The following ACSS3 variants were observed in gnomAD, a reference collection of about 807,000 sequenced individuals.
ACSS3 encodes acyl-CoA synthetase short-chain family member 3, mitochondrial.
A neutral mutation model predicts 84.2 loss-of-function variants in ACSS3; 64 were observed. That is an observed-to-expected ratio of 0.76 (90% confidence interval 0.62 to 0.94). The LOEUF (loss-of-function observed/expected upper bound fraction) is 0.94. Among genes scored for constraint, ACSS3 ranks in the 40% least tolerant of loss-of-function variants. The pLI is 0.00. For missense variants in ACSS3, 815 were observed against 867.6 expected, an observed-to-expected ratio of 0.94 and a Z score of 0.76; for synonymous variants, 317 against 310.1, an observed-to-expected ratio of 1.02 and a Z score of -0.23.
chr12:81,137,116 C>G (rs183668146), intron 3 of ACSS3, among the ~76,000 whole-genome samples: 1 of 147,620 alleles, frequency 6.8e-6, no homozygotes, highest in Non-Finnish European at 1.5e-5. Context: ...TGTGGACAAA[C>G]CATCTGGGTC....
At position 81,174,551 on chromosome 12, in the gene ACSS3, A is replaced by G. The variant is rs1174208891; in HGVS notation, c.1099-237A>G. 3 of 359,070 alleles carry G rather than the reference A, an allele frequency of 8.4e-6. No homozygotes were observed. In the Admixed American group the frequency reaches 1.3e-4, roughly 16 times the overall value. 22.2% of individuals were successfully genotyped at this position (359,070 alleles called of 1,614,324 possible). A position where few individuals can be genotyped will look rare whatever the true frequency, so the allele number is the denominator to read the frequency against. On this transcript the variant is annotated intron_variant, in intron 7 of 15. Coordinates refer to ENST00000548058, the MANE Select transcript of ACSS3 (RefSeq NM_024560.4). ...TTAATTCTTTATTTTTCAAAACTTG[A>G]TGAAGAAAAAATTGTAATTTGAAAG...
At chr12:81,179,891 T>A (rs1328011048) in intron 8 of ACSS3, among the ~76,000 whole-genome samples, 2 of 152,046 alleles carry the variant, frequency 1.3e-5, no homozygotes, top group African/African-American at 4.8e-5. Context: ...AATTGGCTCA[T>A]GGTTTTGCAG....
At chr12:81,171,215 C>A (rs1362675956) in intron 7 of ACSS3, among the ~76,000 whole-genome samples, 1 of 152,042 alleles carries the variant, frequency 6.6e-6, no homozygotes, top group Non-Finnish European at 1.5e-5. Context: ...GTGTTGCTCA[C>A]TTTATTATTT....
In ACSS3 at chr12:81,078,247, C is replaced by T. The variant is rs1258490638; in HGVS notation, c.127C>T (p.Arg43Trp). The change falls in exon 1 of 16, where the codon CGG (arginine) becomes TGG (tryptophan). Residue 43 changes from arginine (R) to tryptophan (W), a missense_variant. By Grantham distance (101) the Arg-to-Trp change is moderately radical (BLOSUM62 -3). Transcript: ENST00000548058. ...CAGGGCTTTAGTGGTCCCGGGCCCGCGGGGCGGTCTCGGGGGCCGGGGATG... is the reference window on the plus strand; with the variant it reads ...CAGGGCTTTAGTGGTCCCGGGCCCGTGGGGCGGTCTCGGGGGCCGGGGATG... ...ALRALVVPGP[R>W]GGLGGRGCRA... The T allele has an allele frequency of 2.5e-6, 4 of 1,607,078 alleles. No individual in the cohort carries two copies. The highest frequency in any genetic ancestry group is 3.4e-5 in the Admixed American group (2 of 59,448).
At chr12:81,237,316 A>AT (rs927451785) in intron 13 of ACSS3, among the ~76,000 whole-genome samples, 11 of 151,556 alleles carry the variant, frequency 7.3e-5, no homozygotes, top group African/African-American at 2.7e-4. Flanking sequence ...TGAGCAATTC[A>AT]TTAGGCAAAT....
chr12:81,163,251 CAT>C (rs141158321), intron 7 of ACSS3, among the ~76,000 whole-genome samples: 9,705 of 152,238 alleles, frequency 0.064, 438 homozygotes, highest in Middle Eastern at 0.12. Flanking sequence ...AAAGTCCAAT[CAT>C]GTGTTACATA....
rs968865440 is a variant in ACSS3 at position 81,256,093 on chromosome 12, T to C, written c.*1171T>C. 2 of 152,114 alleles carry C rather than the reference T, an allele frequency of 1.3e-5. No homozygotes were observed. Among genetic ancestry groups the C allele is most frequent in the Non-Finnish European group, 2.9e-5 (2 of 68,032 alleles). The allele number at this position is 152,114 out of a possible 1,614,324, so 9.4% of individuals were successfully genotyped here. A position where few individuals can be genotyped will look rare whatever the true frequency, so the allele number is the denominator to read the frequency against. On this transcript the variant is annotated 3_prime_UTR_variant, in exon 16 of 16. Transcript: ENST00000548058. ...ATGTCTAGGTGATTTTGAAGTGAAC[T>C]TAAGCCACTAGGTTTGAGGGACAAA...
intron 7 of ACSS3, among the ~76,000 whole-genome samples, chr12:81,156,007 C>T (rs144476322): frequency 4.3e-4 from 66 of 152,100 alleles, no homozygotes; most frequent in Non-Finnish European, 8.1e-4. Context: ...ACCTGGGCCA[C>T]GAAACAAACT....
At chr12:81,123,782 G>A (rs1164842371) in intron 2 of ACSS3, among the ~76,000 whole-genome samples, 2 of 152,136 alleles carry the variant, frequency 1.3e-5, no homozygotes, top group African/African-American at 4.8e-5. Flanking sequence ...TCGTGTTGCT[G>A]CAAAGGACAT....
At chr12:81,186,902 G>T (rs1489759964) in intron 8 of ACSS3, among the ~76,000 whole-genome samples, 1 of 151,776 alleles carries the variant, frequency 6.6e-6, no homozygotes, top group Admixed American at 6.6e-5. Context: ...GAACATATTT[G>T]CATTCCCATG....
chr12:81,162,432 C>T (rs969313525), intron 7 of ACSS3, among the ~76,000 whole-genome samples: 3 of 152,134 alleles, frequency 2.0e-5, no homozygotes, highest in Non-Finnish European at 4.4e-5. Flanking sequence ...GCAAGCTGTC[C>T]CTCAACTCTG....
chr12:81,150,744 T>C (rs1015473580), intron 5 of ACSS3, among the ~76,000 whole-genome samples: 2 of 152,214 alleles, frequency 1.3e-5, no homozygotes, highest in African/African-American at 4.8e-5. Context: ...AGAGCAGCAA[T>C]GTTAGTAACT....
rs1330606470 is a variant in ACSS3 at position 81,256,210 on chromosome 12, C to T, written c.*1288C>T. On this transcript the variant is annotated 3_prime_UTR_variant, in exon 16 of 16. Coordinates refer to ENST00000548058, the MANE Select transcript of ACSS3 (RefSeq NM_024560.4). ...AATATGGCCCAAAAAGGAGGCAGGT[C>T]TCCTGTTGCAAGAGCCTCTGTTTTT... 1 of 152,028 alleles carries T rather than the reference C, an allele frequency of 6.6e-6. No individual in the cohort carries two copies. Among genetic ancestry groups the T allele is most frequent in the Non-Finnish European group, 1.5e-5 (1 of 68,002 alleles). The allele number at this position is 152,028 out of a possible 1,614,324, so 9.4% of individuals were successfully genotyped here.
At chr12:81,244,395 A>G (rs935212959) in intron 13 of ACSS3, among the ~76,000 whole-genome samples, 1 of 151,158 alleles carries the variant, frequency 6.6e-6, no homozygotes, top group Non-Finnish European at 1.5e-5. Context: ...TCCTGGATCT[A>G]TGATTTTGTG....
At chr12:81,136,918 G>A (rs1162031755) in intron 3 of ACSS3, among the ~76,000 whole-genome samples, 2 of 152,096 alleles carry the variant, frequency 1.3e-5, no homozygotes, top group Admixed American at 1.3e-4. Context: ...GAAGATTAAG[G>A]AAGGAAGGTG....
At chr12:81,131,994 A>G (rs1027633707) in intron 2 of ACSS3, among the ~76,000 whole-genome samples, 1 of 152,268 alleles carries the variant, frequency 6.6e-6, no homozygotes, top group South Asian at 2.1e-4. Context: ...ATCATGGTGG[A>G]TTAGCTTTTT....
At chr12:81,190,987 A>T (rs1219553448) in intron 8 of ACSS3, among the ~76,000 whole-genome samples, 1 of 151,880 alleles carries the variant, frequency 6.6e-6, no homozygotes, top group African/African-American at 2.4e-5. Context: ...GCTGAATTTA[A>T]TTTGCTGACA....
intron 1 of ACSS3, among the ~76,000 whole-genome samples, chr12:81,104,295 A>C (rs1028997749): frequency 6.6e-6 from 1 of 152,102 alleles, no homozygotes; most frequent in Non-Finnish European, 1.5e-5. Context: ...AGCCCCAATA[A>C]AAACTTTCTC....
intron 4 of ACSS3, among the ~76,000 whole-genome samples, chr12:81,139,605 A>AAT (rs1445547656): frequency 1.6e-3 from 228 of 139,638 alleles, no homozygotes; most frequent in African/African-American, 5.3e-3. Flanking sequence ...TCTACTAATG[A>AAT]ATATATATAT....
Sources: allele counts gnomAD v4.1 joint callset (sites outside exome capture counted in the v4.1 genomes callset), GRCh38; gene constraint gnomAD v4.1.1; transcripts MANE v1.5; gene names NCBI Gene and HGNC (gene_info 2026-07-23, HGNC 2026-07-21).